The following ZBTB37 variants were observed in gnomAD, a reference collection of about 807,000 sequenced individuals.
ZBTB37 encodes zinc finger and BTB domain-containing protein 37.
In ZBTB37, 15 loss-of-function variants were observed where a neutral mutation model predicts 37.7. The observed-to-expected ratio is 0.40, with a 90% CI of 0.27 to 0.61. The LOEUF (loss-of-function observed/expected upper bound fraction) is 0.61. Among genes scored for constraint, ZBTB37 ranks in the 20% least tolerant of loss-of-function variants. ZBTB37 has a pLI of 0.44. For synonymous variants in ZBTB37, 231 were observed against 220.6 expected (o/e 1.05, Z -0.42); for missense variants, 514 against 641.9 (o/e 0.80, Z 2.15).
chr1:173,876,636 T>C (rs1367445862), intron 4 of ZBTB37, among the ~76,000 whole-genome samples: 2 of 152,200 alleles, frequency 1.3e-5, no homozygotes, highest in African/African-American at 4.8e-5. Flanking sequence ...TGAATATTTA[T>C]TGTGTGCATG....
downstream of ZBTB37, chr1:173,887,823 T>G (rs1441591689): frequency 6.6e-6 from 1 of 152,214 alleles, no homozygotes; most frequent in African/African-American, 2.4e-5. Flanking sequence ...GAACCATCTG[T>G]GAGAATGTTA....
intron 2 of ZBTB37, 77 bp from the exon 3 acceptor site, chr1:173,870,123 A>T: frequency 2.0e-6 from 2 of 989,996 alleles, no homozygotes; most frequent in Non-Finnish European, 2.9e-6. Context: ...AACTATGTTT[A>T]AATACTTTTG....
chr1:173,881,253 C>T (rs1325381502), intron 4 of ZBTB37, among the ~76,000 whole-genome samples: 1 of 146,158 alleles, frequency 6.8e-6, no homozygotes, highest in Non-Finnish European at 1.5e-5. Flanking sequence ...TGGTTTCCAC[C>T]TTCATCCATG....
chr1:173,872,107 C>G (rs1056894166), intron 3 of ZBTB37, among the ~76,000 whole-genome samples: 1 of 152,120 alleles, frequency 6.6e-6, no homozygotes, highest in Non-Finnish European at 1.5e-5. Flanking sequence ...CTCGCTGTGT[C>G]GTCCAGGCTG....
chr1:173,902,080 C>A (rs1179864625), exon 4 of ZBTB37: 1 of 152,298 alleles, frequency 6.6e-6, no homozygotes, highest in African/African-American at 2.4e-5. Flanking sequence ...GTTAATGTAG[C>A]ATTTACTTCT....
At chr1:173,873,806 A>G (rs1199335655) in intron 4 of ZBTB37, among the ~76,000 whole-genome samples, 1 of 152,254 alleles carries the variant, frequency 6.6e-6, no homozygotes, top group African/African-American at 2.4e-5. Context: ...TATTTTGAAA[A>G]GAACATTAAC....
At position 173,873,546 on chromosome 1, in the gene ZBTB37, C is replaced by T. The variant is rs201757281; in HGVS notation, c.1003C>T (p.Pro335Ser). 2.5e-4 allele frequency: 402 copies of T among 1,613,904 alleles called. No individual in the cohort carries two copies. The highest frequency in any genetic ancestry group is 1.4e-3 in the South Asian group (125 of 91,054). The stretch of plus-strand genomic sequence containing the variant: ...TGAGTCTCCTGGGAGAATGGATGAG[C>T]CTAAGCAACCCAGCTCCCAGGTATG... Residue 335 changes from proline to serine, a missense_variant, in exon 4 of 5, where the codon CCT becomes TCT. This residue lies in a region of ZBTB37 where 323 missense variants were observed against 321.9 expected (regional missense o/e 1.00). Coordinates refer to ENST00000427304, the Ensembl canonical transcript of ZBTB37.
At chr1:173,868,285 G>A (rs112986720), upstream of ZBTB37, 1 of 153,300 alleles carries the variant, frequency 6.5e-6, no homozygotes, top group South Asian at 1.9e-4. Context: ...TGGGGGAAGG[G>A]GGGGCGGTGT....
At chr1:173,875,957 C>G (rs1655942598) in intron 4 of ZBTB37, among the ~76,000 whole-genome samples, 1 of 152,220 alleles carries the variant, frequency 6.6e-6, no homozygotes, top group South Asian at 2.1e-4. Flanking sequence ...CTGTGCCCAG[C>G]TGCTTACACA....
chr1:173,893,812 C>G (rs1474830935), exon 4 of ZBTB37: 2 of 152,214 alleles, frequency 1.3e-5, no homozygotes, highest in South Asian at 2.1e-4. Context: ...ACAACTGACT[C>G]AGGCTAACAC....
rs11487395 is a variant in ZBTB37, at chr1:173,875,330, A to T, written c.1023+1764A>T. Reference sequence around the variant, plus strand: ...TATATATGTGTGCATATATATATATATTTTTTTTTTTTTTTGAGGCAGTCT... The same window carrying T: ...TATATATGTGTGCATATATATATATTTTTTTTTTTTTTTTTGAGGCAGTCT... On this transcript the variant is annotated intron_variant, in intron 4 of 4. Transcript: ENST00000427304. Among the ~76,000 whole-genome samples, 572 of 122,442 alleles carry T rather than the reference A, an allele frequency of 4.7e-3. 3 individuals are homozygous for T. Among genetic ancestry groups the T allele is most frequent in the South Asian group, 0.026 (106 of 4,088 alleles). The allele number at this position is 122,442 out of a possible 152,430, so 80.3% of individuals were successfully genotyped here.
chr1:173,894,347 C>T (rs1378365953), exon 4 of ZBTB37: 1 of 152,122 alleles, frequency 6.6e-6, no homozygotes, highest in South Asian at 2.1e-4. Context: ...GGGCAATTCT[C>T]CTCCCTGTGA....
At chr1:173,875,211 A>G (rs76405013) in intron 4 of ZBTB37, among the ~76,000 whole-genome samples, 7 of 151,256 alleles carry the variant, frequency 4.6e-5, no homozygotes, top group African/African-American at 1.7e-4. Context: ...TATGTATACT[A>G]TAGTATGCAC....
intron 4 of ZBTB37, 72 bp from the exon 5 acceptor site, chr1:173,885,564 G>T (rs927224051): frequency 1.6e-6 from 2 of 1,289,920 alleles, no homozygotes; most frequent in African/African-American, 1.5e-5. Flanking sequence ...AGTAAAAATA[G>T]ATTTGATTGC....
chr1:173,897,505 T>G (rs1657094222), exon 4 of ZBTB37: 1 of 152,218 alleles, frequency 6.6e-6, no homozygotes, highest in Non-Finnish European at 1.5e-5. Flanking sequence ...GGGATTAATA[T>G]AAAACTTAGG....
chr1:173,882,461 C>A (rs186886131), intron 4 of ZBTB37, among the ~76,000 whole-genome samples: 1 of 151,914 alleles, frequency 6.6e-6, no homozygotes, highest in Non-Finnish European at 1.5e-5. Flanking sequence ...AGGATGGTCT[C>A]GATCTGCTGA....
At position 173,870,819 on chromosome 1, in the gene ZBTB37, C is replaced by T. The variant is rs376032662; in HGVS notation, c.594C>T (p.Ile198=). The stretch of plus-strand genomic sequence containing the variant: ...CTGAGGAGTCCACCAGCCCTCAGAT[C>T]ATTGAACCAAGTTCTGATGTAGAGA... The change falls in exon 3 of 5, where the codon ATC becomes ATT. Residue 198 remains isoleucine (I), a synonymous_variant. Transcript: ENST00000427304. The T allele has an allele frequency of 2.5e-6, 4 of 1,614,090 alleles. No homozygotes were observed. The African/African-American group carries it at 4.0e-5, about 16-fold the overall frequency.
chr1:173,871,257 A>G (rs752215595), intron 3 of ZBTB37, 109 bp downstream of exon 3: 206 of 1,139,108 alleles, frequency 1.8e-4, no homozygotes, highest in Non-Finnish European at 2.3e-4. Flanking sequence ...TTCTTGGTCA[A>G]AATAAGTTGA....
chr1:173,872,917 G>C (rs935905135), intron 3 of ZBTB37, among the ~76,000 whole-genome samples: 2 of 151,510 alleles, frequency 1.3e-5, no homozygotes, highest in Admixed American at 6.6e-5. Flanking sequence ...TGAGGCAGGA[G>C]AATCGCTTGA....
Sources: allele counts gnomAD v4.1 joint callset (sites outside exome capture counted in the v4.1 genomes callset), GRCh38; gene constraint gnomAD v4.1.1; regional missense constraint gnomAD v4.1.1; transcripts MANE v1.5; gene names NCBI Gene and HGNC (gene_info 2026-07-23, HGNC 2026-07-21).